The following ZNRF3 variants were observed in gnomAD, a reference collection of about 807,000 sequenced individuals.
The protein encoded by ZNRF3 is E3 ubiquitin-protein ligase ZNRF3.
Under a neutral mutation model 72.5 loss-of-function variants are expected in ZNRF3, and 23 were observed. The observed-to-expected ratio is 0.32, with a 90% confidence interval of 0.23 to 0.45. ZNRF3 has a LOEUF of 0.45. Among genes scored for constraint, ZNRF3 ranks in the 20% least tolerant of loss-of-function variants. The pLI, the probability that ZNRF3 is intolerant of heterozygous loss-of-function variation, is 1.00. For missense variants in ZNRF3, 1,169 were observed against 1,272.1 expected (o/e 0.92, Z 1.23); for synonymous variants, 610 against 545.3 (o/e 1.12, Z -1.65).
chr22:29,016,934 G>C (rs1202663333), intron 2 of ZNRF3, among the ~76,000 whole-genome samples: 1 of 152,230 alleles, frequency 6.6e-6, no homozygotes, highest in Non-Finnish European at 1.5e-5. Context: ...AGAAAGGAAA[G>C]TTGTCTGCTC....
Position 29,049,076 on chromosome 22 carries a change from T to C in ZNRF3, c.1016-121T>C. The C allele has an allele frequency of 1.8e-6, 2 of 1,135,196 alleles. No individual in the cohort carries two copies. The highest frequency in any genetic ancestry group is 2.5e-6 in the Non-Finnish European group (2 of 796,010). The allele number at this position is 1,135,196 out of a possible 1,614,324, so 70.3% of individuals were successfully genotyped here. On this transcript the variant is annotated intron_variant, in intron 7 of 8. Transcript: ENST00000544604. The surrounding 1 kb of genome is among the most constrained non-coding windows in gnomAD (Gnocchi z 5.2). ...CAGTTTGGGGGCAGGGTTGTGAGAATGGGTACCTTGGCAGGTGACCAAGCC... is the reference window on the plus strand; with the variant it reads ...CAGTTTGGGGGCAGGGTTGTGAGAACGGGTACCTTGGCAGGTGACCAAGCC...
chr22:28,915,842 C>T (rs1009547056), intron 1 of ZNRF3, among the ~76,000 whole-genome samples: 1 of 152,206 alleles, frequency 6.6e-6, no homozygotes, highest in African/African-American at 2.4e-5. Context: ...CTGACACACA[C>T]ACGGGCACCG....
At chr22:28,899,907 T>C (rs898069254) in intron 1 of ZNRF3, among the ~76,000 whole-genome samples, 1 of 152,106 alleles carries the variant, frequency 6.6e-6, no homozygotes, top group Non-Finnish European at 1.5e-5. Context: ...CCCAGGCTAG[T>C]CTCGAACTCT....
intron 2 of ZNRF3, among the ~76,000 whole-genome samples, chr22:29,029,122 G>A (rs940690242): frequency 1.3e-5 from 2 of 152,230 alleles, no homozygotes; most frequent in Non-Finnish European, 2.9e-5. Context: ...GTGCAGGGTG[G>A]ACCAGGGGTC....
intron 2 of ZNRF3, among the ~76,000 whole-genome samples, chr22:29,008,058 G>A (rs918935156): frequency 3.0e-4 from 46 of 152,176 alleles, no homozygotes; most frequent in African/African-American, 9.9e-4. Context: ...GCCCGGCTCA[G>A]AAATTCTATT....
At chr22:28,887,963 C>T (rs930513513) in intron 1 of ZNRF3, among the ~76,000 whole-genome samples, 2 of 146,772 alleles carry the variant, frequency 1.4e-5, no homozygotes, top group African/African-American at 2.7e-5. Context: ...AGTCGAAATG[C>T]ATTTTTTTTT....
At chr22:28,915,909 G>A (rs2034399618) in intron 1 of ZNRF3, among the ~76,000 whole-genome samples, 1 of 152,176 alleles carries the variant, frequency 6.6e-6, no homozygotes, top group East Asian at 1.9e-4. Flanking sequence ...TTTGACTTAA[G>A]CATTTACGTT....
chr22:29,053,072 ACCT>A (rs1368370770), intron 8 of ZNRF3, among the ~76,000 whole-genome samples: 1 of 151,772 alleles, frequency 6.6e-6, no homozygotes, highest in Non-Finnish European at 1.5e-5. Context: ...TCCTGCTTTC[ACCT>A]CCTGTGGCCC....
At chr22:28,943,907 C>T (rs1043218137) in intron 1 of ZNRF3, among the ~76,000 whole-genome samples, 3 of 151,728 alleles carry the variant, frequency 2.0e-5, no homozygotes, top group Non-Finnish European at 2.9e-5. Flanking sequence ...TATGATGTTC[C>T]GTGTGTAACT....
chr22:29,018,906 G>T (rs1601671180), intron 2 of ZNRF3, among the ~76,000 whole-genome samples: 1 of 151,138 alleles, frequency 6.6e-6, no homozygotes, highest in East Asian at 1.9e-4. Flanking sequence ...TGATTCTGTG[G>T]GTTAGCTGAG....
intron 2 of ZNRF3, among the ~76,000 whole-genome samples, chr22:28,999,817 G>T (rs2036112877): frequency 1.3e-5 from 2 of 152,178 alleles, no homozygotes; most frequent in Admixed American, 6.5e-5. Context: ...TAGCACCTGT[G>T]CAGGAGAGCA....
At chr22:28,996,653 C>T (rs2036049932) in intron 2 of ZNRF3, among the ~76,000 whole-genome samples, 1 of 152,206 alleles carries the variant, frequency 6.6e-6, no homozygotes, top group Admixed American at 6.5e-5. Context: ...TTCTGCAGTA[C>T]TGGGGCCAAA....
At chr22:28,973,478 C>T (rs758533356) in intron 1 of ZNRF3, among the ~76,000 whole-genome samples, 3 of 152,238 alleles carry the variant, frequency 2.0e-5, no homozygotes, top group Non-Finnish European at 4.4e-5. Flanking sequence ...TCAGGACTGC[C>T]CTTCAGATGA....
chr22:28,928,105 GATTA>G (rs1426125261), intron 1 of ZNRF3, among the ~76,000 whole-genome samples: 1 of 152,202 alleles, frequency 6.6e-6, no homozygotes, highest in Non-Finnish European at 1.5e-5. Flanking sequence ...ATTGCAAGTT[GATTA>G]GTGTCTCCCA....
Position 29,048,314 on chromosome 22 carries a change from G to T in ZNRF3, c.913-75G>T. The T allele has an allele frequency of 7.9e-7, 1 of 1,262,066 alleles. No individual in the cohort carries two copies. Among genetic ancestry groups the T allele is most frequent in the Non-Finnish European group, 1.1e-6 (1 of 876,052 alleles). The allele number at this position is 1,262,066 out of a possible 1,614,324, so 78.2% of individuals were successfully genotyped here. On this transcript the variant is annotated intron_variant, in intron 6 of 8. Coordinates refer to ENST00000544604, the MANE Select transcript of ZNRF3 (RefSeq NM_001206998.2). This position sits in a 1 kb window ranked among gnomAD's most constrained non-coding sequence, Gnocchi z 4.9. ...CGGGCATGCTGTGCAGAACTCCTTG[G>T]TCTATGCTGGACTCTGCAGGAGGAC...
At chr22:28,994,579 A>G (rs2036017596) in intron 2 of ZNRF3, among the ~76,000 whole-genome samples, 1 of 152,014 alleles carries the variant, frequency 6.6e-6, no homozygotes, top group African/African-American at 2.4e-5. Context: ...GGGGTGGGGT[A>G]TGGGGCAAGG....
intron 2 of ZNRF3, among the ~76,000 whole-genome samples, chr22:28,993,643 G>T (rs1389253740): frequency 6.6e-6 from 1 of 152,218 alleles, no homozygotes; most frequent in Non-Finnish European, 1.5e-5. Flanking sequence ...TAAGGGTTAA[G>T]ACTTGGGTTT....
chr22:29,021,740 G>A (rs1360192072), intron 2 of ZNRF3, among the ~76,000 whole-genome samples: 3 of 151,654 alleles, frequency 2.0e-5, no homozygotes, highest in East Asian at 1.9e-4. Flanking sequence ...CACCCACCTC[G>A]ACCTCCCAAA....
intron 1 of ZNRF3, among the ~76,000 whole-genome samples, chr22:28,905,755 T>C (rs2034195008): frequency 6.6e-6 from 1 of 152,192 alleles, no homozygotes; most frequent in Non-Finnish European, 1.5e-5. Context: ...GTGCTGAAGG[T>C]CTCATAGGTG....
Sources: gnomAD v4.1 joint callset for allele counts (sites outside exome capture counted in the v4.1 genomes callset) on GRCh38, gnomAD v4.1.1 for gene constraint, Gnocchi (gnomAD v3.1) non-coding constraint, MANE v1.5 for transcripts, NCBI Gene and HGNC (gene_info 2026-07-23, HGNC 2026-07-21) for gene names.